The following WDR27 variants were observed in gnomAD, a reference collection of about 807,000 sequenced individuals.
WDR27 encodes WD repeat-containing protein 27.
WDR27 carries 100 observed loss-of-function variants against 114.4 expected under a neutral mutation model. That is an observed-to-expected ratio of 0.87 (90% CI 0.74 to 1.03). The LOEUF (loss-of-function observed/expected upper bound fraction) is 1.03. Among genes scored for constraint, WDR27 ranks in the 50% least tolerant of loss-of-function variants. The pLI is 0.00. For synonymous variants in WDR27, 449 were observed against 423.1 expected (o/e 1.06, Z -0.75); for missense variants, 1,129 against 1,092.9 (o/e 1.03, Z -0.47).
At chr6:169,701,038 G>T (rs572013403) in intron 1 of WDR27, among the ~76,000 whole-genome samples, 1 of 152,328 alleles carries the variant, frequency 6.6e-6, no homozygotes, top group Non-Finnish European at 1.5e-5. Context: ...TAGTCTTAAA[G>T]TTAAGTCAGT....
At chr6:169,667,040 G>A (rs534887662) in intron 6 of WDR27, 96 bp downstream of exon 6, 715 of 1,355,180 alleles carry the variant, frequency 5.3e-4, no homozygotes, top group Non-Finnish European at 5.5e-4. Flanking sequence ...AGATCCACTC[G>A]AATGTCCCAG....
At chr6:169,669,622 T>C (rs1414202751) in intron 4 of WDR27, 2 of 152,242 alleles carry the variant, frequency 1.3e-5, no homozygotes, top group Non-Finnish European at 2.9e-5. Flanking sequence ...TATCACAGGA[T>C]GTTTACAACA....
At chr6:169,605,593 A>C in intron 22 of WDR27, among the ~76,000 whole-genome samples, 1 of 20,784 alleles carries the variant, frequency 4.8e-5, no homozygotes, top group Admixed American at 1.0e-3. Flanking sequence ...CATTTTTTAC[A>C]TTAAAAAAAA....
intron 18 of WDR27, 101 bp downstream of exon 18, chr6:169,638,438 T>C (rs1040219451): frequency 2.7e-6 from 4 of 1,461,386 alleles, no homozygotes; most frequent in Non-Finnish European, 1.8e-6. Context: ...TTGGCTTACG[T>C]CCCTTTCCTC....
intron 25 of WDR27, among the ~76,000 whole-genome samples, chr6:169,534,972 CA>C (rs34844549): frequency 0.1 from 15,187 of 147,480 alleles, 1,803 homozygotes; most frequent in East Asian, 0.59. Context: ...TATAATTTTA[CA>C]AAAAAAAAAA....
the WDR27 span, among the ~76,000 whole-genome samples, chr6:169,448,624 A>G: frequency 6.6e-6 from 1 of 152,104 alleles, no homozygotes; most frequent in South Asian, 2.1e-4. Context: ...CCCTTTGCCG[A>G]GTGACTTGGC....
Position 169,553,020 on chromosome 6 carries a change from GTGTGTGTA to G in WDR27, c.2645+19391_2645+19398del, listed in dbSNP as rs1477998449. Among the ~76,000 whole-genome samples, 83 of 103,360 alleles carry G rather than the reference GTGTGTGTA, an allele frequency of 8.0e-4. 2 individuals are homozygous for G. Among genetic ancestry groups the G allele is most frequent in the East Asian group, 7.8e-3 (28 of 3,606 alleles). 67.8% of individuals were successfully genotyped at this position (103,360 alleles called of 152,430 possible). On this transcript the variant is annotated intron_variant, in intron 25 of 25. Transcript: ENST00000448612. ...TGTGTGTGTGTGTGTGTGTGTGTGT[GTGTGTGTA>G]TGCAGGGAGGTGGGGAGGGCCTGGA...
In WDR27 at chr6:169,688,947, A is replaced by G. The variant is rs1180329749; in HGVS notation, c.59T>C (p.Ile20Thr). Residue 20 changes from isoleucine to threonine, a missense_variant, in exon 2 of 26, where the codon ATA (isoleucine) becomes ACA (threonine). Coordinates refer to ENST00000448612, the MANE Select transcript of WDR27 (RefSeq NM_182552.5). Reference protein sequence around the residue: ...SNGGCLSDIVIEKYLVESKES... With the variant: ...SNGGCLSDIVTEKYLVESKES... The stretch of plus-strand genomic sequence containing the variant: ...CTTGGATTCAACCAGGTATTTTTCT[A>G]TAACTATATCACTTAGACAGCCACC... The G allele has an allele frequency of 1.9e-5, 31 of 1,613,916 alleles. No homozygotes were observed. Among genetic ancestry groups the G allele is most frequent in the Non-Finnish European group, 2.5e-5 (29 of 1,179,848 alleles).
the WDR27 span, among the ~76,000 whole-genome samples, chr6:169,446,563 A>T: frequency 6.6e-6 from 1 of 152,332 alleles, no homozygotes; most frequent in Admixed American, 6.5e-5. Context: ...GGCAGGAGGG[A>T]GAAAATGCCT....
intron 1 of WDR27, among the ~76,000 whole-genome samples, chr6:169,697,439 T>C (rs1353177378): frequency 6.6e-6 from 1 of 152,130 alleles, no homozygotes; most frequent in Non-Finnish European, 1.5e-5. Context: ...GAATCTCCCT[T>C]TCTCCCGGAG....
intron 19 of WDR27, 69 bp from the exon 20 acceptor site, chr6:169,634,594 A>C (rs1817220894): frequency 1.0e-6 from 1 of 958,086 alleles, no homozygotes; most frequent in Non-Finnish European, 1.6e-6. Context: ...CCTTATCTTT[A>C]AAAACATTAA....
rs145675221 is a variant in WDR27, at chr6:169,658,039, G to A, written c.1402+237C>T. On this transcript the variant is annotated intron_variant, in intron 13 of 25. Coordinates refer to ENST00000448612, the MANE Select transcript of WDR27 (RefSeq NM_182552.5). The stretch of plus-strand genomic sequence containing the variant: ...CCAGAGGAACAGCGGTCAGTCTTGG[G>A]CACGTTGCTGAATCCCATGAGTGAT... 5.1e-3 allele frequency: 2,141 copies of A among 418,954 alleles called. 16 individuals carry two copies. The highest frequency in any genetic ancestry group is 0.027 in the Middle Eastern group (59 of 2,178). The allele number at this position is 418,954 out of a possible 1,614,324, so 26.0% of individuals were successfully genotyped here.
intron 22 of WDR27, among the ~76,000 whole-genome samples, chr6:169,612,224 G>A (rs1388035493): frequency 1.3e-5 from 2 of 150,956 alleles, no homozygotes; most frequent in East Asian, 3.9e-4. Flanking sequence ...GAGGTCAGGA[G>A]ATCGAGACCA....
chr6:169,659,520 T>C lies in WDR27; in HGVS notation c.1130-2A>G. The C allele has an allele frequency of 6.2e-7, 1 of 1,608,072 alleles. No individual in the cohort carries two copies. Among genetic ancestry groups the C allele is most frequent in the Non-Finnish European group, 8.5e-7 (1 of 1,177,430 alleles). Reference sequence around the variant, plus strand: ...GCAGGATGCTGAGGCTCTGGAAATCTTCAGTTGAGCGAAGACCAGGAAGAA... The same window carrying C: ...GCAGGATGCTGAGGCTCTGGAAATCCTCAGTTGAGCGAAGACCAGGAAGAA... On this transcript the variant is annotated splice_acceptor_variant, in intron 10 of 25. Coordinates refer to ENST00000448612, the MANE Select transcript of WDR27 (RefSeq NM_182552.5). LOFTEE classifies it high-confidence loss of function. This position sits in a 1 kb window ranked among gnomAD's most constrained non-coding sequence, Gnocchi z 4.3.
intron 17 of WDR27, among the ~76,000 whole-genome samples, chr6:169,640,701 G>A (rs1208532782): frequency 6.6e-6 from 1 of 152,258 alleles, no homozygotes; most frequent in Non-Finnish European, 1.5e-5. Flanking sequence ...GGCCATAAGG[G>A]CGTCCTCCCA....
intron 17 of WDR27, among the ~76,000 whole-genome samples, chr6:169,641,032 G>A (rs187373247): frequency 6.6e-6 from 1 of 152,250 alleles, no homozygotes; most frequent in Admixed American, 6.5e-5. Flanking sequence ...CCAGCACAGC[G>A]TTTGCTGCAC....
intron 25 of WDR27, among the ~76,000 whole-genome samples, chr6:169,496,828 G>A (rs945076699): frequency 1.3e-5 from 2 of 152,114 alleles, no homozygotes; most frequent in African/African-American, 2.4e-5. Context: ...CCATGTTCAT[G>A]GATTGGAACA....
chr6:169,457,664 T>C lies in WDR27; in HGVS notation c.2646-30A>G, dbSNP rs757363400. ...AATTGAAAATAAAATACCATGTAAT[T>C]CCAATCGCCTTTTATTAATTGATAA... On this transcript the variant is annotated intron_variant, in intron 25 of 25. Coordinates refer to ENST00000448612, the MANE Select transcript of WDR27 (RefSeq NM_182552.5). 8 of 1,524,478 alleles carry C rather than the reference T, an allele frequency of 5.2e-6. No individual in the cohort carries two copies. The South Asian group carries it at 8.6e-5, about 16-fold the overall frequency. The allele number at this position is 1,524,478 out of a possible 1,614,324, so 94.4% of individuals were successfully genotyped here. A position where few individuals can be genotyped will look rare whatever the true frequency, so the allele number is the denominator to read the frequency against.
downstream of WDR27, among the ~76,000 whole-genome samples, chr6:169,455,798 A>G (rs1028173033): frequency 3.3e-5 from 5 of 152,216 alleles, no homozygotes; most frequent in African/African-American, 9.6e-5. Context: ...GCAACCTGAC[A>G]CAGCTCTCTT....
Sources: gnomAD v4.1 joint callset for allele counts (sites outside exome capture counted in the v4.1 genomes callset) on GRCh38, gnomAD v4.1.1 for gene constraint, Gnocchi (gnomAD v3.1) non-coding constraint, MANE v1.5 for transcripts, NCBI Gene and HGNC (gene_info 2026-07-23, HGNC 2026-07-21) for gene names.